SLX4IP: variants seen among roughly 807,000 people sequenced by gnomAD.
SLX4IP encodes protein SLX4IP.
Under a neutral mutation model 32.9 loss-of-function variants are expected in SLX4IP, and 34 were observed. That is an observed-to-expected ratio of 1.03 (90% confidence interval 0.79 to 1.38). The LOEUF is 1.38. Ranked by LOEUF, SLX4IP falls within the 40% of genes most tolerant of loss-of-function variation. The pLI is 0.00. For synonymous variants in SLX4IP, 172 were observed against 171.7 expected (o/e 1.00, Z -0.01); for missense variants, 444 against 479.0 (o/e 0.93, Z 0.68).
chr20:10,584,677 C>G (rs1039231400), intron 4 of SLX4IP, among the ~76,000 whole-genome samples: 1 of 152,124 alleles, frequency 6.6e-6, no homozygotes, highest in Non-Finnish European at 1.5e-5. Flanking sequence ...CTTGGAGATT[C>G]AAATTTCCCA....
chr20:10,532,171 T>C lies in SLX4IP; in HGVS notation c.28-24060T>C, dbSNP rs907239459. Among the ~76,000 whole-genome samples, 10 of 152,004 alleles carry C rather than the reference T, an allele frequency of 6.6e-5. 1 individual carries two copies. Among genetic ancestry groups the C allele is most frequent in the Admixed American group, 6.6e-4 (10 of 15,248 alleles). The stretch of plus-strand genomic sequence containing the variant: ...GCAGAGGTTAAATGATCCACGGTGG[T>C]ATGGGAAAATATAAGAACTTTCATC... On this transcript the variant is annotated intron_variant, in intron 2 of 7. Coordinates refer to ENST00000334534, the MANE Select transcript of SLX4IP (RefSeq NM_001009608.3).
intron 2 of SLX4IP, among the ~76,000 whole-genome samples, chr20:10,532,298 A>G (rs1188638211): frequency 6.6e-6 from 1 of 152,174 alleles, no homozygotes; most frequent in Non-Finnish European, 1.5e-5. Flanking sequence ...TTGGCTTGGA[A>G]TCATTCCACA....
intron 2 of SLX4IP, among the ~76,000 whole-genome samples, chr20:10,550,825 C>A (rs542789868): frequency 5.9e-5 from 9 of 152,216 alleles, no homozygotes; most frequent in Non-Finnish European, 4.4e-5. Context: ...TACTTGACTG[C>A]GACACCACCT....
chr20:10,592,037 A>G (rs777538487), intron 4 of SLX4IP, among the ~76,000 whole-genome samples: 5 of 152,228 alleles, frequency 3.3e-5, no homozygotes, highest in Non-Finnish European at 7.3e-5. Context: ...TATTTTATAA[A>G]TAATGATTTT....
In SLX4IP at chr20:10,435,428, G is replaced by A. The variant is rs2065101115; in HGVS notation, c.-55G>A. On this transcript the variant is annotated 5_prime_UTR_variant, in exon 1 of 8. Transcript: ENST00000334534. ...GACAGTAACAAAACATATAAAGCCC[G>A]AGCCCAAACCCCGCCACCATCATAG... 6.6e-6 allele frequency: 1 copy of A among 152,182 alleles called. No individual in the cohort carries two copies. 9.4% of individuals were successfully genotyped at this position (152,182 alleles called of 1,614,324 possible).
chr20:10,580,377 G>A (rs971717736), intron 4 of SLX4IP, among the ~76,000 whole-genome samples: 1 of 151,678 alleles, frequency 6.6e-6, no homozygotes, highest in African/African-American at 2.4e-5. Flanking sequence ...AGTGCCCTCC[G>A]CTTCTCAGTC....
chr20:10,578,833 C>A (rs189843720), intron 4 of SLX4IP, among the ~76,000 whole-genome samples: 213 of 152,236 alleles, frequency 1.4e-3, no homozygotes, highest in African/African-American at 4.9e-3. Context: ...AATAATGTTA[C>A]CATCTATTCA....
rs192901490 is a variant in SLX4IP at position 10,477,415 on chromosome 20, A to G, written c.27+19184A>G. Among the ~76,000 whole-genome samples, 5 of 152,286 alleles carry G rather than the reference A, an allele frequency of 3.3e-5. No individual in the cohort carries two copies. In the East Asian group the frequency reaches 9.7e-4, roughly 29 times the overall value. Reference sequence around the variant, plus strand: ...CACGTTGGCCTCCCAAAGTGCTAGGATTACAGGCATGAGCTGATTTTTTGT... The same window carrying G: ...CACGTTGGCCTCCCAAAGTGCTAGGGTTACAGGCATGAGCTGATTTTTTGT... On this transcript the variant is annotated intron_variant, in intron 2 of 7. Coordinates refer to ENST00000334534, the MANE Select transcript of SLX4IP (RefSeq NM_001009608.3).
intron 2 of SLX4IP, among the ~76,000 whole-genome samples, chr20:10,522,954 T>A (rs943853244): frequency 6.6e-6 from 1 of 152,190 alleles, no homozygotes; most frequent in Non-Finnish European, 1.5e-5. Flanking sequence ...TCTTCCCTAC[T>A]GTGTTAAGTT....
At chr20:10,581,910 T>C (rs1329349951) in intron 4 of SLX4IP, among the ~76,000 whole-genome samples, 1 of 152,106 alleles carries the variant, frequency 6.6e-6, no homozygotes, top group Non-Finnish European at 1.5e-5. Context: ...CCCCTGTAAC[T>C]GGAAACATCT....
intron 2 of SLX4IP, among the ~76,000 whole-genome samples, chr20:10,488,146 A>C (rs927052477): frequency 1.3e-5 from 2 of 152,182 alleles, no homozygotes; most frequent in African/African-American, 4.8e-5. Flanking sequence ...CCAAAAATGT[A>C]TGTTGACATT....
At position 10,547,879 on chromosome 20, in the gene SLX4IP, C is replaced by T. The variant is rs1475420263; in HGVS notation, c.28-8352C>T. 2.6e-5 allele frequency among the ~76,000 whole-genome samples: 4 copies of T among 152,172 alleles called. No homozygotes were observed. The East Asian group carries it at 7.7e-4, about 29-fold the overall frequency. ...TTGACAACCCAAAGGTAACAGAAGG[C>T]AGCTCCTCCACAAAGGCCACCTGGT... On this transcript the variant is annotated intron_variant, in intron 2 of 7. Coordinates refer to ENST00000334534, the MANE Select transcript of SLX4IP (RefSeq NM_001009608.3).
intron 1 of SLX4IP, among the ~76,000 whole-genome samples, chr20:10,451,936 C>G (rs1360223272): frequency 6.6e-6 from 1 of 152,002 alleles, no homozygotes; most frequent in African/African-American, 2.4e-5. Flanking sequence ...CCACTACACT[C>G]CAGCCCTGGT....
intron 4 of SLX4IP, among the ~76,000 whole-genome samples, chr20:10,594,365 A>T (rs1416281039): frequency 6.6e-6 from 1 of 152,118 alleles, no homozygotes; most frequent in Non-Finnish European, 1.5e-5. Context: ...ATGAAGTGGA[A>T]TTCACCTGCC....
chr20:10,453,307 C>CGT (rs1555805264), intron 1 of SLX4IP, among the ~76,000 whole-genome samples: 4,102 of 142,906 alleles, frequency 0.029, 106 homozygotes, highest in African/African-American at 0.071. Flanking sequence ...AAAACTCATC[C>CGT]GTGTGTGTGT....
chr20:10,563,587 G>A (rs1467752560), intron 4 of SLX4IP, among the ~76,000 whole-genome samples: 2 of 152,172 alleles, frequency 1.3e-5, no homozygotes, highest in Admixed American at 6.5e-5. Context: ...TTTGTATCCA[G>A]TGAGAGATAG....
intron 1 of SLX4IP, among the ~76,000 whole-genome samples, chr20:10,456,640 T>A (rs2065288324): frequency 6.6e-6 from 1 of 152,216 alleles, no homozygotes; most frequent in Non-Finnish European, 1.5e-5. Flanking sequence ...TGCGTCCAGC[T>A]GTAATAAGCT....
intron 1 of SLX4IP, among the ~76,000 whole-genome samples, chr20:10,437,977 C>T (rs1268740184): frequency 1.3e-5 from 2 of 152,252 alleles, no homozygotes; most frequent in East Asian, 1.9e-4. Flanking sequence ...TTGATGTGAA[C>T]GTTAGATAAA....
At position 10,601,752 on chromosome 20, in the gene SLX4IP, G is replaced by C; in HGVS notation, c.338G>C (p.Arg113Thr). The C allele has an allele frequency of 6.2e-7, 1 of 1,614,016 alleles. No homozygotes were observed. Among genetic ancestry groups the C allele is most frequent in the Non-Finnish European group, 8.5e-7 (1 of 1,179,936 alleles). ...QNAELCVFPD[R>T]FVVCVSQLAF... is the part of the protein sequence containing the mutation. The stretch of plus-strand genomic sequence containing the variant: ...ACAGAACTCTGTGTATTCCCTGACA[G>C]ATTTGTGGTTTGTGTCAGTCAGCTT... Residue 113 changes from arginine to threonine, a missense_variant, in exon 6 of 8, where the codon AGA becomes ACA. Coordinates refer to ENST00000334534, the MANE Select transcript of SLX4IP (RefSeq NM_001009608.3).
Sources: allele counts gnomAD v4.1 joint callset (sites outside exome capture counted in the v4.1 genomes callset), GRCh38; gene constraint gnomAD v4.1.1; transcripts MANE v1.5; gene names NCBI Gene and HGNC (gene_info 2026-07-23, HGNC 2026-07-21).